Variants in TMEM44 observed in about 807,000 individuals in gnomAD.
TMEM44 encodes transmembrane protein 44.
TMEM44 carries 43 observed loss-of-function variants against 47.8 expected under a neutral mutation model. The ratio of observed to expected loss-of-function variants is 0.90; its 90% CI spans 0.70 to 1.16. The LOEUF (loss-of-function observed/expected upper bound fraction) is 1.16. Among genes scored for constraint, TMEM44 ranks in the 50% most tolerant of loss-of-function variants. The pLI, the probability that TMEM44 is intolerant of heterozygous loss-of-function variation, is 0.00. For synonymous variants in TMEM44, 277 were observed against 238.8 expected, an observed-to-expected ratio of 1.16 and a Z score of -1.48; for missense variants, 568 against 555.2, an observed-to-expected ratio of 1.02 and a Z score of -0.23.
At chr3:194,609,944 C>CACGGA (rs1429183251) in intron 8 of TMEM44, among the ~76,000 whole-genome samples, 1 of 152,112 alleles carries the variant, frequency 6.6e-6, no homozygotes, top group East Asian at 1.9e-4. Context: ...AGATGATAGA[C>CACGGA]ACGGCCGGAC....
intron 8 of TMEM44, among the ~76,000 whole-genome samples, chr3:194,606,641 T>A (rs1675938): frequency 0.93 from 141,950 of 152,204 alleles, 66,256 homozygotes; most frequent in East Asian, 0.99. Context: ...GTTAATAAAA[T>A]AATAATAATA....
chr3:194,606,250 C>T (rs916027317), intron 8 of TMEM44, among the ~76,000 whole-genome samples: 1 of 152,182 alleles, frequency 6.6e-6, no homozygotes, highest in Non-Finnish European at 1.5e-5. Flanking sequence ...GTGCTGCTCC[C>T]GCTGCGTCTC....
chr3:194,598,391 T>C (rs7643421), intron 9 of TMEM44, among the ~76,000 whole-genome samples: 64,998 of 151,980 alleles, frequency 0.43, 14,775 homozygotes, highest in East Asian at 0.77. Context: ...CTGCACACCT[T>C]CCCGGGTACC....
intron 2 of TMEM44, among the ~76,000 whole-genome samples, 157 bp downstream of exon 2, chr3:194,628,226 G>A (rs529072377): frequency 1.3e-5 from 2 of 152,208 alleles, no homozygotes; most frequent in Non-Finnish European, 2.9e-5. Context: ...GAGCCTCTGA[G>A]GGGGGCAGAA....
chr3:194,619,051 C>T (rs945282424), intron 5 of TMEM44, among the ~76,000 whole-genome samples: 7 of 152,246 alleles, frequency 4.6e-5, no homozygotes, highest in African/African-American at 1.4e-4. Context: ...TGGGGCCCCC[C>T]GACCTAACCA....
chr3:194,617,412 T>A, intron 5 of TMEM44, 143 bp from the exon 6 acceptor site: 1 of 954,156 alleles, frequency 1.0e-6, no homozygotes, highest in Non-Finnish European at 1.5e-6. Context: ...CTTACAGCTT[T>A]TGCTCGAGTT....
chr3:194,609,501 C>T (rs1715097428), intron 8 of TMEM44, among the ~76,000 whole-genome samples: 2 of 152,090 alleles, frequency 1.3e-5, no homozygotes, highest in Admixed American at 6.5e-5. Flanking sequence ...CGTGGACTCT[C>T]AGAATGGAAT....
chr3:194,614,140 C>T (rs147129845), intron 7 of TMEM44, among the ~76,000 whole-genome samples: 18 of 151,984 alleles, frequency 1.2e-4, no homozygotes, highest in African/African-American at 4.1e-4. Flanking sequence ...CAAAATAAAA[C>T]AAAACAAAAC....
chr3:194,609,161 T>C (rs1002345046), intron 8 of TMEM44, among the ~76,000 whole-genome samples: 6 of 152,168 alleles, frequency 3.9e-5, no homozygotes, highest in African/African-American at 1.4e-4. Flanking sequence ...TCCAGAATTC[T>C]GTGTTGGACG....
At chr3:194,592,975 A>T in intron 9 of TMEM44, 1 of 1,587,010 alleles carries the variant, frequency 6.3e-7, no homozygotes, top group Non-Finnish European at 8.6e-7. Context: ...GGTCTAACAA[A>T]AACAGGAACT....
In TMEM44 at chr3:194,611,841, G is replaced by A. The variant is rs1016638246; in HGVS notation, c.913-821C>T. 6.6e-6 allele frequency among the ~76,000 whole-genome samples: 1 copy of A among 152,084 alleles called. No individual in the cohort carries two copies. The highest frequency in any genetic ancestry group is 2.4e-5 in the African/African-American group (1 of 41,416). The stretch of plus-strand genomic sequence containing the variant: ...GTGCGAGACCAGCCTGGTCAACATA[G>A]TGAAACCCTGTCTCTACTAAAAATA... On this transcript the variant is annotated intron_variant, in intron 7 of 9. Coordinates refer to ENST00000347147, the MANE Select transcript of TMEM44 (RefSeq NM_001011655.3). This position sits in a 1 kb window ranked among gnomAD's most constrained non-coding sequence, Gnocchi z 4.2.
chr3:194,601,595 G>A (rs1015960843), intron 9 of TMEM44, among the ~76,000 whole-genome samples: 3 of 152,072 alleles, frequency 2.0e-5, no homozygotes, highest in Non-Finnish European at 2.9e-5. Context: ...GAGCCACCCC[G>A]CCTGGCCATG....
chr3:194,630,680 A>G (rs6803309), intron 1 of TMEM44, among the ~76,000 whole-genome samples: 40 of 105,344 alleles, frequency 3.8e-4, no homozygotes, highest in African/African-American at 1.5e-3. Context: ...GGCTGTTTCC[A>G]TCGGCGTCAC....
chr3:194,604,282 T>G lies in TMEM44; in HGVS notation c.1176+5A>C, dbSNP rs529908485. On this transcript the variant is annotated splice_donor_5th_base_variant and intron_variant, in intron 9 of 9. Transcript: ENST00000347147. ...GCACCCGCCCAGCAGGCAACAGCCG[T>G]GTACCTCCAGGTCGGAGTTGATGGA... is the stretch of plus-strand genomic sequence containing the variant. The G allele has an allele frequency of 6.3e-7, 1 of 1,576,442 alleles. No homozygotes were observed. The highest frequency in any genetic ancestry group is 2.4e-5 in the East Asian group (1 of 42,112).
At chr3:194,615,855 A>G (rs531829634) in intron 6 of TMEM44, among the ~76,000 whole-genome samples, 158 bp from the exon 7 acceptor site, 4 of 152,140 alleles carry the variant, frequency 2.6e-5, no homozygotes, top group African/African-American at 9.6e-5. Flanking sequence ...TCATCTGAAG[A>G]CAGGGCTAGG....
intron 9 of TMEM44, chr3:194,589,024 G>A (rs1264757716): frequency 4.3e-6 from 1 of 233,966 alleles, no homozygotes; most frequent in Non-Finnish European, 8.6e-6. Context: ...TTTTAAGACA[G>A]GGTCTTGCGG....
intron 8 of TMEM44, among the ~76,000 whole-genome samples, chr3:194,609,108 A>G (rs1238861909): frequency 2.0e-5 from 3 of 152,208 alleles, no homozygotes; most frequent in African/African-American, 4.8e-5. Flanking sequence ...GTCATTTACT[A>G]AGATGAGGAA....
chr3:194,588,443 G>T lies in TMEM44; in HGVS notation c.*86C>A. The T allele has an allele frequency of 2.5e-6, 3 of 1,186,576 alleles. No individual in the cohort carries two copies. Among genetic ancestry groups the T allele is most frequent in the South Asian group, 1.3e-5 (1 of 76,496 alleles). 73.5% of individuals were successfully genotyped at this position (1,186,576 alleles called of 1,614,324 possible). ...CCAGGGCAGCTTCAGTTCCTGCCGC[G>T]GTGTCAGTGCAGATTGATTCCCGCT... On this transcript the variant is annotated 3_prime_UTR_variant, in exon 10 of 10. Transcript: ENST00000347147.
At chr3:194,609,636 C>T (rs566182098) in intron 8 of TMEM44, among the ~76,000 whole-genome samples, 51 of 152,228 alleles carry the variant, frequency 3.4e-4, no homozygotes, top group Non-Finnish European at 3.1e-4. Flanking sequence ...GAGGACCCCT[C>T]GTGTAGGCCA....
Sources: gnomAD v4.1 joint callset for allele counts (sites outside exome capture counted in the v4.1 genomes callset) on GRCh38, gnomAD v4.1.1 for gene constraint, Gnocchi (gnomAD v3.1) non-coding constraint, MANE v1.5 for transcripts, NCBI Gene and HGNC (gene_info 2026-07-23, HGNC 2026-07-21) for gene names.